Variants in BPIFA3 observed in about 807,000 individuals in gnomAD.
BPIFA3 encodes the protein BPI fold-containing family A member 3.
In BPIFA3, 32 loss-of-function variants were observed where a neutral mutation model predicts 29.7. That is an observed-to-expected ratio of 1.08 (90% CI 0.81 to 1.45). The LOEUF (loss-of-function observed/expected upper bound fraction) is 1.45, where lower values mean the gene tolerates loss of function less well. Ranked by LOEUF, BPIFA3 falls within the 40% of genes most tolerant of loss-of-function variation. BPIFA3 has a pLI of 0.00. For missense variants in BPIFA3, 323 were observed against 311.3 expected, an observed-to-expected ratio of 1.04 and a Z score of -0.28; for synonymous variants, 112 against 113.7, an observed-to-expected ratio of 0.98 and a Z score of 0.10.
intron 1 of BPIFA3, among the ~76,000 whole-genome samples, chr20:33,222,750 G>A (rs1480437708): frequency 6.6e-6 from 1 of 152,146 alleles, no homozygotes; most frequent in Non-Finnish European, 1.5e-5. Context: ...GGTGTCTGCT[G>A]CTCACAAATT....
chr20:33,221,148 GA>G (rs951449072), intron 1 of BPIFA3, among the ~76,000 whole-genome samples: 21 of 135,560 alleles, frequency 1.5e-4, no homozygotes, highest in Admixed American at 1.0e-3. Flanking sequence ...TGTACTGTTA[GA>G]TTTTTTTTTT....
intron 6 of BPIFA3, among the ~76,000 whole-genome samples, chr20:33,227,237 A>G (rs1985827023): frequency 6.6e-6 from 1 of 151,806 alleles, no homozygotes; most frequent in South Asian, 2.1e-4. Flanking sequence ...GTTACCAGAG[A>G]TTCGAGCTGC....
intron 2 of BPIFA3, 51 bp from the exon 3 acceptor site, chr20:33,224,304 C>A (rs779713531): frequency 6.9e-7 from 1 of 1,453,762 alleles, no homozygotes; most frequent in Non-Finnish European, 9.6e-7. Context: ...GAAGCCTTAC[C>A]TGTTCTGAAG....
chr20:33,225,482 G>C (rs1600631198), intron 4 of BPIFA3: 1 of 545,004 alleles, frequency 1.8e-6, no homozygotes, highest in African/African-American at 1.9e-5. Flanking sequence ...TCAATGACTT[G>C]CTAGTAGCCC....
At chr20:33,221,655 T>C (rs745748310) in intron 1 of BPIFA3, among the ~76,000 whole-genome samples, 6 of 151,938 alleles carry the variant, frequency 3.9e-5, no homozygotes, top group Non-Finnish European at 7.3e-5. Flanking sequence ...AAACTCTGCA[T>C]AAAATCTTCT....
chr20:33,226,635 G>A, intron 5 of BPIFA3, 145 bp downstream of exon 5: 3 of 716,548 alleles, frequency 4.2e-6, no homozygotes, highest in Non-Finnish European at 6.9e-6. Context: ...TTGGCCATGA[G>A]TTTTGCCAGC....
At position 33,217,955 on chromosome 20, in the gene BPIFA3, A is replaced by T. The variant is rs114182753; in HGVS notation, c.127+292A>T. ...TCCCTACTGCCTTGGCAGGCATTGC[A>T]GCGTGTTTAATGGATGTACTTAAAT... On this transcript the variant is annotated intron_variant, in intron 1 of 6. Transcript: ENST00000375454. 2.8e-3 allele frequency among the ~76,000 whole-genome samples: 419 copies of T among 152,342 alleles called. 2 individuals are homozygous for T. The highest frequency in any genetic ancestry group is 9.4e-3 in the African/African-American group (391 of 41,570).
At chr20:33,227,241 G>A (rs573276663) in intron 6 of BPIFA3, among the ~76,000 whole-genome samples, 10 of 151,902 alleles carry the variant, frequency 6.6e-5, no homozygotes, top group South Asian at 6.3e-4. Context: ...CCAGAGATTC[G>A]AGCTGCTTCC....
chr20:33,217,930 T>C (rs1985340142), intron 1 of BPIFA3, among the ~76,000 whole-genome samples: 1 of 152,258 alleles, frequency 6.6e-6, no homozygotes, highest in African/African-American at 2.4e-5. Context: ...TCACCCCATA[T>C]CCCTACTGCC....
At position 33,223,930 on chromosome 20, in the gene BPIFA3, G is replaced by A. The variant is rs779915382; in HGVS notation, c.247G>A (p.Gly83Ser). The A allele has an allele frequency of 7.0e-5, 113 of 1,614,016 alleles. No homozygotes were observed. Among genetic ancestry groups the A allele is most frequent in the Non-Finnish European group, 9.2e-5 (109 of 1,180,016 alleles). Residue 83 changes from glycine (G) to serine (S), a missense_variant, in exon 2 of 7, where the codon GGC becomes AGC. Transcript: ENST00000375454. ...AGGGCTGGTGGGCTGGCTAATCAGC[G>A]GCAGGAAACACCAGCAGCAGCAAGA... ...APGLVGWLISGRKHQQQQESS... is the reference protein window; with the variant it reads ...APGLVGWLISSRKHQQQQESS...
Position 33,226,963 on chromosome 20 carries a change from C to A in BPIFA3, c.655C>A (p.Leu219Met). 1 of 1,614,116 alleles carries A rather than the reference C, an allele frequency of 6.2e-7. No homozygotes were observed. Among genetic ancestry groups the A allele is most frequent in the Non-Finnish European group, 8.5e-7 (1 of 1,179,978 alleles). The stretch of plus-strand genomic sequence containing the variant: ...TCTGATCGGTGAAATCCTCGGGCAG[C>A]TGGATGTGAAACTGTTGAAAAGCCT... Reference protein sequence around the residue: ...CPLIGEILGQLDVKLLKSLIE... With the variant: ...CPLIGEILGQMDVKLLKSLIE... Residue 219 changes from leucine to methionine, a missense_variant, in exon 6 of 7, where the codon CTG (leucine) becomes ATG (methionine). Transcript: ENST00000375454.
At chr20:33,224,101 GC>G in intron 2 of BPIFA3, 140 bp downstream of exon 2, 1 of 1,174,970 alleles carries the variant, frequency 8.5e-7, no homozygotes, top group Non-Finnish European at 1.2e-6. Context: ...AAGGTGGAAG[GC>G]CCACACAAGG....
intron 1 of BPIFA3, among the ~76,000 whole-genome samples, chr20:33,218,915 T>C (rs897666057): frequency 2.6e-5 from 4 of 152,274 alleles, no homozygotes; most frequent in African/African-American, 9.6e-5. Flanking sequence ...ATTTTGACTT[T>C]TTTTCTTGGA....
At chr20:33,222,838 A>G (rs1172920085) in intron 1 of BPIFA3, among the ~76,000 whole-genome samples, 1 of 152,152 alleles carries the variant, frequency 6.6e-6, no homozygotes, top group African/African-American at 2.4e-5. Context: ...TATCCTTGAA[A>G]CTATTTGTTT....
chr20:33,223,760 C>A (rs746978284), intron 1 of BPIFA3, 51 bp from the exon 2 acceptor site: 2 of 1,575,460 alleles, frequency 1.3e-6, no homozygotes, highest in Non-Finnish European at 1.7e-6. Flanking sequence ...CCCAAGCCCC[C>A]CACCTTTTCC....
intron 2 of BPIFA3, 146 bp from the exon 3 acceptor site, chr20:33,224,209 G>T (rs1167669839): frequency 1.2e-6 from 1 of 802,172 alleles, no homozygotes; most frequent in South Asian, 1.8e-5. Context: ...CCTGACTCTT[G>T]CCCTCAGAGC....
chr20:33,219,157 G>T (rs1483781361), intron 1 of BPIFA3, among the ~76,000 whole-genome samples: 1 of 152,046 alleles, frequency 6.6e-6, no homozygotes, highest in Non-Finnish European at 1.5e-5. Flanking sequence ...TACCCACCTC[G>T]GCCTCCCAAA....
intron 1 of BPIFA3, among the ~76,000 whole-genome samples, chr20:33,220,993 A>C (rs1568622615): frequency 6.6e-6 from 1 of 152,212 alleles, no homozygotes; most frequent in Non-Finnish European, 1.5e-5. Context: ...TCTTACTCAT[A>C]AGTCAGTATT....
intron 1 of BPIFA3, among the ~76,000 whole-genome samples, chr20:33,220,215 G>A (rs372199920): frequency 3.0e-3 from 456 of 151,678 alleles, no homozygotes; most frequent in African/African-American, 0.011. Flanking sequence ...TGGCTAACAC[G>A]GTGAAATCCC....
Sources: allele counts gnomAD v4.1 joint callset (sites outside exome capture counted in the v4.1 genomes callset), GRCh38; gene constraint gnomAD v4.1.1; transcripts MANE v1.5; gene names NCBI Gene and HGNC (gene_info 2026-07-23, HGNC 2026-07-21).